Variants in ARID1B observed in about 807,000 individuals in gnomAD.
ARID1B encodes the protein AT-rich interaction domain 1B, also known as AT-rich interactive domain-containing protein 1B.
In ARID1B, 30 loss-of-function variants were observed where a neutral mutation model predicts 212.3. The observed-to-expected ratio is 0.14, with a 90% CI of 0.11 to 0.19. The LOEUF is 0.19. Among genes scored for constraint, ARID1B ranks in the 10% least tolerant of loss-of-function variants. The pLI is 1.00. For synonymous variants in ARID1B, 1,402 were observed against 1,301.7 expected, an observed-to-expected ratio of 1.08 and a Z score of -1.66; for missense variants, 2,891 against 3,204.0, an observed-to-expected ratio of 0.90 and a Z score of 2.36.
chr6:157,106,799 G>C (rs1348632541), intron 5 of ARID1B, among the ~76,000 whole-genome samples: 2 of 152,132 alleles, frequency 1.3e-5, no homozygotes, highest in Non-Finnish European at 2.9e-5. Flanking sequence ...TGAGTGAAGA[G>C]AAATAGTCTA....
At chr6:156,897,431 G>A (rs560602765) in intron 2 of ARID1B, among the ~76,000 whole-genome samples, 8 of 151,428 alleles carry the variant, frequency 5.3e-5, no homozygotes, top group Non-Finnish European at 7.4e-5. Context: ...GTGCCACCAC[G>A]CCTGGCTAAT....
At chr6:157,164,669 C>G (rs1791197200) in intron 8 of ARID1B, 1 of 151,970 alleles carries the variant, frequency 6.6e-6, no homozygotes, top group East Asian at 1.9e-4. Context: ...TTAATTAGGC[C>G]CAGATCCTCC....
rs1299353702 is a variant in ARID1B at position 156,897,261 on chromosome 6, C to CTTATTATTATTATTATTA, written c.1987-4113_1987-4112insATTATTATTATTATTATT. 4.5e-3 allele frequency among the ~76,000 whole-genome samples: 412 copies of CTTATTATTATTATTATTA among 92,560 alleles called. 3 individuals carry two copies. The highest frequency in any genetic ancestry group is 6.0e-3 in the Non-Finnish European group (248 of 41,616). The allele number at this position is 92,560 out of a possible 152,430, so 60.7% of individuals were successfully genotyped here. A position where few individuals can be genotyped will look rare whatever the true frequency, so the allele number is the denominator to read the frequency against. On this transcript the variant is annotated intron_variant, in intron 2 of 19. Coordinates refer to ENST00000636930, the MANE Select transcript of ARID1B (RefSeq NM_001374828.1). ...TCTTCTTCTTCTTCTTCTTCTTCTT[C>CTTATTATTATTATTATTA]TTCTTATTATTATTATTATTATTAT...
chr6:156,891,874 G>GTTTT (rs555568271), intron 2 of ARID1B, among the ~76,000 whole-genome samples: 2 of 132,576 alleles, frequency 1.5e-5, no homozygotes, highest in African/African-American at 2.8e-5. Flanking sequence ...TTTCTTTTCT[G>GTTTT]TTTTTTTTTT....
intron 2 of ARID1B, among the ~76,000 whole-genome samples, chr6:156,880,815 T>C (rs1332748926): frequency 6.6e-6 from 1 of 151,800 alleles, no homozygotes; most frequent in Non-Finnish European, 1.5e-5. Flanking sequence ...TGTTAGTTAT[T>C]AAGCTTTTAG....
At chr6:156,781,066 T>G (rs1779228106) in intron 1 of ARID1B, among the ~76,000 whole-genome samples, 1 of 152,236 alleles carries the variant, frequency 6.6e-6, no homozygotes, top group South Asian at 2.1e-4. Context: ...GATTTAAGCT[T>G]CATTTTTTTG....
intron 4 of ARID1B, among the ~76,000 whole-genome samples, chr6:157,075,506 T>C (rs986144767): frequency 6.6e-6 from 1 of 152,362 alleles, no homozygotes; most frequent in East Asian, 1.9e-4. Context: ...ATTTTTGATA[T>C]TCTTTTACTA....
chr6:156,866,545 A>T (rs1009482319), intron 2 of ARID1B, among the ~76,000 whole-genome samples: 1 of 152,210 alleles, frequency 6.6e-6, no homozygotes, highest in Non-Finnish European at 1.5e-5. Flanking sequence ...ATAAACAAAA[A>T]GCAGGCAAGC....
intron 9 of ARID1B, chr6:157,169,789 C>G (rs1022448502): frequency 4.6e-5 from 7 of 152,212 alleles, no homozygotes; most frequent in African/African-American, 1.7e-4. Flanking sequence ...AGACGCTACT[C>G]TACAAAATGT....
At chr6:157,150,478 A>T (rs1790113220) in intron 8 of ARID1B, 1 of 153,796 alleles carries the variant, frequency 6.5e-6, no homozygotes, top group Non-Finnish European at 1.4e-5. Flanking sequence ...CCAAAGTCAA[A>T]GCTATACTTT....
intron 5 of ARID1B, among the ~76,000 whole-genome samples, chr6:157,095,730 C>G (rs1785572211): frequency 6.6e-6 from 1 of 152,176 alleles, no homozygotes; most frequent in Admixed American, 6.5e-5. Flanking sequence ...TGCAAAAATA[C>G]TGTTGTATTC....
Position 157,148,016 on chromosome 6 carries a change from A to G in ARID1B, c.2762-608A>G, listed in dbSNP as rs1184727943. On this transcript the variant is annotated intron_variant, in intron 7 of 19. Coordinates refer to ENST00000636930, the MANE Select transcript of ARID1B (RefSeq NM_001374828.1). The surrounding 1 kb of genome is among the most constrained non-coding windows in gnomAD (Gnocchi z 5.6). ...TTTCCGAGATGTGGCAGCCAGCACA[A>G]ACCAGCTGCTCGATCTGGTACTCAA... Among the ~76,000 whole-genome samples, 1 of 148,924 alleles carries G rather than the reference A, an allele frequency of 6.7e-6. No individual in the cohort carries two copies. Among genetic ancestry groups the G allele is most frequent in the Admixed American group, 6.7e-5 (1 of 14,912 alleles).
intron 4 of ARID1B, among the ~76,000 whole-genome samples, chr6:157,054,908 C>G (rs1782848953): frequency 6.6e-6 from 1 of 152,254 alleles, no homozygotes; most frequent in South Asian, 2.1e-4. Context: ...CACTAGCTCA[C>G]TCATCCCCAG....
At chr6:156,986,762 A>G (rs1469409228) in intron 4 of ARID1B, among the ~76,000 whole-genome samples, 1 of 152,186 alleles carries the variant, frequency 6.6e-6, no homozygotes, top group African/African-American at 2.4e-5. Context: ...GGCCAATGCT[A>G]CCATTTTAAA....
At chr6:156,959,214 A>G (rs753815253) in intron 4 of ARID1B, among the ~76,000 whole-genome samples, 4 of 152,150 alleles carry the variant, frequency 2.6e-5, no homozygotes, top group Non-Finnish European at 4.4e-5. Context: ...AGTCCTCAGT[A>G]TCCACAGGGA....
chr6:156,836,696 G>A (rs2128070147), intron 2 of ARID1B, among the ~76,000 whole-genome samples: 1 of 152,198 alleles, frequency 6.6e-6, no homozygotes, highest in Admixed American at 6.5e-5. Flanking sequence ...ATGGGGTCCT[G>A]CTGTGTCACC....
At chr6:157,159,484 G>T (rs575698656) in intron 8 of ARID1B, among the ~76,000 whole-genome samples, 1 of 152,206 alleles carries the variant, frequency 6.6e-6, no homozygotes, top group Non-Finnish European at 1.5e-5. Context: ...AAGCAAAAAG[G>T]AAGAGCTGAA....
At chr6:157,138,732 C>T (rs1789121660) in intron 7 of ARID1B, among the ~76,000 whole-genome samples, 1 of 152,176 alleles carries the variant, frequency 6.6e-6, no homozygotes, top group Non-Finnish European at 1.5e-5. Context: ...TTGTTTTCTT[C>T]AAACAGGTTG....
chr6:156,991,261 C>T (rs1379689937), intron 4 of ARID1B, among the ~76,000 whole-genome samples: 2 of 152,142 alleles, frequency 1.3e-5, no homozygotes, highest in African/African-American at 4.8e-5. Flanking sequence ...GACGGAGTTT[C>T]TCTCTGTCGC....
Sources: gnomAD v4.1 joint callset for allele counts (sites outside exome capture counted in the v4.1 genomes callset) on GRCh38, gnomAD v4.1.1 for gene constraint, Gnocchi (gnomAD v3.1) non-coding constraint, MANE v1.5 for transcripts, NCBI Gene and HGNC (gene_info 2026-07-23, HGNC 2026-07-21) for gene names.